Variants in FAM227B observed in about 807,000 individuals in gnomAD.
The protein encoded by FAM227B is family with sequence similarity 227 member B.
In FAM227B, 88 loss-of-function variants were observed where a neutral mutation model predicts 73.8. The ratio of observed to expected loss-of-function variants is 1.19; its 90% confidence interval spans 1.00 to 1.42. The LOEUF is 1.42. FAM227B is among the 40% of genes most tolerant of loss of function. The pLI is 0.00. For missense variants in FAM227B, 632 were observed against 590.9 expected, an observed-to-expected ratio of 1.07 and a Z score of -0.72; for synonymous variants, 210 against 190.5, an observed-to-expected ratio of 1.10 and a Z score of -0.84.
intron 2 of FAM227B, among the ~76,000 whole-genome samples, chr15:49,613,075 A>G (rs146938004): frequency 5.1e-4 from 78 of 152,292 alleles, no homozygotes; most frequent in African/African-American, 1.6e-3. Context: ...AGGGTCAAGC[A>G]CAGTGGCTCA....
chr15:49,565,743 G>C (rs901005007), intron 9 of FAM227B, among the ~76,000 whole-genome samples: 3 of 152,010 alleles, frequency 2.0e-5, no homozygotes, highest in African/African-American at 7.2e-5. Flanking sequence ...AAAGATCTTC[G>C]GTGGGGGTTA....
intron 10 of FAM227B, among the ~76,000 whole-genome samples, chr15:49,524,263 G>A (rs535412847): frequency 6.6e-6 from 1 of 152,262 alleles, no homozygotes; most frequent in South Asian, 2.1e-4. Context: ...CCTGCTCTGT[G>A]CAGCCTAGGG....
At chr15:49,580,372 A>T (rs1812218024) in intron 5 of FAM227B, among the ~76,000 whole-genome samples, 1 of 152,170 alleles carries the variant, frequency 6.6e-6, no homozygotes, top group Non-Finnish European at 1.5e-5. Context: ...AAACTTCAAC[A>T]CTAAAAATAC....
intron 4 of FAM227B, 25 bp downstream of exon 4, chr15:49,589,751 A>G (rs760535014): frequency 1.2e-5 from 17 of 1,399,012 alleles, no homozygotes; most frequent in Middle Eastern, 3.8e-4. Context: ...CATTTCTATA[A>G]AAGATAAAAA....
intron 11 of FAM227B, among the ~76,000 whole-genome samples, chr15:49,494,759 C>T (rs2057451165): frequency 6.6e-6 from 1 of 152,082 alleles, no homozygotes; most frequent in Admixed American, 6.6e-5. Context: ...CCTTATGTAT[C>T]CGAAGCTCCT....
At chr15:49,392,212 G>A (rs761348138) in intron 11 of FAM227B, among the ~76,000 whole-genome samples, 3 of 152,144 alleles carry the variant, frequency 2.0e-5, no homozygotes, top group Non-Finnish European at 4.4e-5. Flanking sequence ...AAAAGAGACT[G>A]TGAACTGAAC....
intron 11 of FAM227B, among the ~76,000 whole-genome samples, chr15:49,393,062 A>G (rs997557610): frequency 6.6e-6 from 1 of 152,208 alleles, no homozygotes; most frequent in Non-Finnish European, 1.5e-5. Flanking sequence ...CTGTTACTGT[A>G]GAAGTATAAA....
At position 49,326,971 on chromosome 15, in the gene FAM227B, T is replaced by C. The variant is rs1435433217; in HGVS notation, c.*1597A>G. 2 of 152,162 alleles carry C rather than the reference T, an allele frequency of 1.3e-5. No individual in the cohort carries two copies. The highest frequency in any genetic ancestry group is 1.9e-4 in the East Asian group (1 of 5,196). The allele number at this position is 152,162 out of a possible 1,614,324, so 9.4% of individuals were successfully genotyped here. On this transcript the variant is annotated 3_prime_UTR_variant, in exon 16 of 16. Coordinates refer to ENST00000299338, the MANE Select transcript of FAM227B (RefSeq NM_152647.3). ...AAAAAGAGACAAAATTGTGCTAAAT[T>C]AATCATAGAGCCTTTAATCCACTAG...
At chr15:49,576,975 A>C (rs2075485727) in intron 6 of FAM227B, 130 bp from the exon 7 acceptor site, 1 of 590,198 alleles carries the variant, frequency 1.7e-6, no homozygotes, top group South Asian at 2.3e-5. Context: ...TTTTTACTAA[A>C]TTAACTAAAA....
Position 49,540,144 on chromosome 15 carries a change from G to A in FAM227B, c.874+1536C>T, listed in dbSNP as rs150466242. ...CCATCTCAGTGGAAGAGCCAGCAGT[G>A]TCCTGTGTCCTGAAGACAGAAAGGA... On this transcript the variant is annotated intron_variant, in intron 10 of 15. Transcript: ENST00000299338. Among the ~76,000 whole-genome samples the A allele has an allele frequency of 1.8e-3, 276 of 152,276 alleles. 1 individual carries two copies. Among genetic ancestry groups the A allele is most frequent in the Middle Eastern group, 0.01 (3 of 294 alleles).
chr15:49,329,478 T>A, intron 15 of FAM227B: 1 of 985,274 alleles, frequency 1.0e-6, no homozygotes, highest in Non-Finnish European at 1.2e-6. Context: ...ACTCACAGAT[T>A]GGGCATCACC....
At chr15:49,478,390 G>A (rs532342952) in intron 11 of FAM227B, among the ~76,000 whole-genome samples, 1 of 151,078 alleles carries the variant, frequency 6.6e-6, no homozygotes, top group African/African-American at 2.4e-5. Flanking sequence ...TGGATATATT[G>A]ATATATTTTT....
intron 9 of FAM227B, among the ~76,000 whole-genome samples, chr15:49,564,787 TTG>T: frequency 6.6e-6 from 1 of 151,884 alleles, no homozygotes; most frequent in East Asian, 1.9e-4. Context: ...GAGCTAAACA[TTG>T]AATACATATA....
chr15:49,393,986 C>T (rs1187115994), intron 11 of FAM227B, among the ~76,000 whole-genome samples: 1 of 152,112 alleles, frequency 6.6e-6, no homozygotes, highest in Non-Finnish European at 1.5e-5. Context: ...TGTCAAACAG[C>T]ATAAGAAACA....
intron 11 of FAM227B, among the ~76,000 whole-genome samples, chr15:49,444,582 T>C (rs2052003322): frequency 6.6e-6 from 1 of 151,704 alleles, no homozygotes; most frequent in Non-Finnish European, 1.5e-5. Flanking sequence ...ATAAGGTTTA[T>C]CTCAAGCTGA....
intron 13 of FAM227B, among the ~76,000 whole-genome samples, chr15:49,361,123 C>G (rs1360820253): frequency 1.3e-5 from 2 of 152,128 alleles, no homozygotes; most frequent in African/African-American, 2.4e-5. Flanking sequence ...TTGATTCAGT[C>G]ATTCCACAAT....
chr15:49,516,286 T>C (rs978221736), intron 10 of FAM227B, among the ~76,000 whole-genome samples: 1 of 152,102 alleles, frequency 6.6e-6, no homozygotes, highest in Admixed American at 6.6e-5. Context: ...AACATAAATG[T>C]AGGGCAACTT....
At chr15:49,539,484 T>G (rs2070751468) in intron 10 of FAM227B, among the ~76,000 whole-genome samples, 1 of 151,984 alleles carries the variant, frequency 6.6e-6, no homozygotes, top group African/African-American at 2.4e-5. Flanking sequence ...ACATGAAGAG[T>G]CAGTGGCTCC....
chr15:49,480,261 A>G (rs1360475709), intron 11 of FAM227B, among the ~76,000 whole-genome samples: 3 of 152,108 alleles, frequency 2.0e-5, no homozygotes, highest in Non-Finnish European at 2.9e-5. Flanking sequence ...CTTAACCCTA[A>G]TATGTGGAGG....
Sources: gnomAD v4.1 joint callset for allele counts (sites outside exome capture counted in the v4.1 genomes callset) on GRCh38, gnomAD v4.1.1 for gene constraint, MANE v1.5 for transcripts, NCBI Gene and HGNC (gene_info 2026-07-23, HGNC 2026-07-21) for gene names.